Variants in CDH13 observed in about 807,000 individuals in gnomAD.
The protein encoded by CDH13 is cadherin-13.
CDH13 carries 24 observed loss-of-function variants against 63.8 expected under a neutral mutation model. The ratio of observed to expected loss-of-function variants is 0.38; its 90% CI spans 0.27 to 0.53. The LOEUF (loss-of-function observed/expected upper bound fraction) is 0.53, where lower values mean the gene tolerates loss of function less well. Ranked by LOEUF, CDH13 falls within the 20% of genes least tolerant of loss-of-function variation. The pLI is 0.85. For synonymous variants in CDH13, 503 were observed against 355.3 expected, an observed-to-expected ratio of 1.42 and a Z score of -4.67; for missense variants, 1,049 against 903.1, an observed-to-expected ratio of 1.16 and a Z score of -2.07.
At chr16:83,043,400 C>T (rs1917492774) in intron 3 of CDH13, among the ~76,000 whole-genome samples, 1 of 151,638 alleles carries the variant, frequency 6.6e-6, no homozygotes, top group African/African-American at 2.4e-5. Context: ...ATGAAAGCCA[C>T]GTATGTCATT....
chr16:83,279,120 A>C (rs1349214978), intron 5 of CDH13, among the ~76,000 whole-genome samples: 1 of 151,758 alleles, frequency 6.6e-6, no homozygotes, highest in African/African-American at 2.4e-5. Context: ...GTGAATTTGA[A>C]TTGAATATTT....
intron 13 of CDH13, among the ~76,000 whole-genome samples, chr16:83,786,374 C>T (rs1915880014): frequency 6.6e-6 from 1 of 151,862 alleles, no homozygotes; most frequent in Non-Finnish European, 1.5e-5. Context: ...CATTTTCAAA[C>T]TACGAATTCC....
intron 5 of CDH13, among the ~76,000 whole-genome samples, chr16:83,273,463 T>C (rs1169093768): frequency 6.6e-6 from 1 of 152,098 alleles, no homozygotes; most frequent in Non-Finnish European, 1.5e-5. Flanking sequence ...TTTGCTTTTT[T>C]CTTCCTGCAA....
chr16:83,349,545 T>C (rs1435872496), intron 6 of CDH13, among the ~76,000 whole-genome samples: 1 of 151,594 alleles, frequency 6.6e-6, no homozygotes, highest in Non-Finnish European at 1.5e-5. Flanking sequence ...CCAGGTAAGG[T>C]GAGGTACAGA....
chr16:82,699,246 G>A (rs547096026), intron 1 of CDH13, among the ~76,000 whole-genome samples: 1 of 152,222 alleles, frequency 6.6e-6, no homozygotes, highest in East Asian at 1.9e-4. Context: ...GGCCAGGGAG[G>A]GTCACTGATG....
At chr16:83,502,333 G>A (rs1415436475) in intron 7 of CDH13, among the ~76,000 whole-genome samples, 9 of 152,112 alleles carry the variant, frequency 5.9e-5, no homozygotes, top group Non-Finnish European at 8.8e-5. Flanking sequence ...TTTGAAGATG[G>A]AGCAAGGGCC....
intron 6 of CDH13, among the ~76,000 whole-genome samples, chr16:83,384,792 T>G (rs1003131458): frequency 3.9e-5 from 6 of 152,266 alleles, no homozygotes; most frequent in Admixed American, 3.9e-4. Context: ...GCTTGGCTTT[T>G]GGATTCTTTA....
At chr16:82,669,578 T>G (rs1395139871) in intron 1 of CDH13, among the ~76,000 whole-genome samples, 1 of 152,228 alleles carries the variant, frequency 6.6e-6, no homozygotes, top group African/African-American at 2.4e-5. Context: ...TGTTTCTCAT[T>G]AAAAGCATTA....
intron 6 of CDH13, among the ~76,000 whole-genome samples, chr16:83,383,786 G>T (rs939647203): frequency 6.6e-6 from 1 of 152,110 alleles, no homozygotes; most frequent in Non-Finnish European, 1.5e-5. Flanking sequence ...GTACCTTCCT[G>T]CCCAACCCTG....
At chr16:83,061,968 G>A (rs1597251172) in intron 3 of CDH13, among the ~76,000 whole-genome samples, 2 of 152,300 alleles carry the variant, frequency 1.3e-5, no homozygotes, top group Non-Finnish European at 2.9e-5. Context: ...GCTCGAAACT[G>A]AGATAGTGAG....
At chr16:82,980,043 G>A (rs1597348200) in intron 2 of CDH13, among the ~76,000 whole-genome samples, 1 of 152,142 alleles carries the variant, frequency 6.6e-6, no homozygotes, top group Non-Finnish European at 1.5e-5. Context: ...GAAGTACAGG[G>A]AAACCACAAG....
chr16:83,378,633 T>C (rs1181017289), intron 6 of CDH13, among the ~76,000 whole-genome samples: 1 of 152,112 alleles, frequency 6.6e-6, no homozygotes, highest in Non-Finnish European at 1.5e-5. Flanking sequence ...CTGGACTGGA[T>C]CTCTGTTTCT....
intron 1 of CDH13, among the ~76,000 whole-genome samples, chr16:82,698,532 G>A (rs11861319): frequency 0.012 from 1,848 of 152,298 alleles, 35 homozygotes; most frequent in African/African-American, 0.041. Context: ...TATTTGAGGT[G>A]GGCTTTGCTC....
At chr16:83,356,090 T>C (rs1246425219) in intron 6 of CDH13, among the ~76,000 whole-genome samples, 7 of 152,144 alleles carry the variant, frequency 4.6e-5, no homozygotes, top group African/African-American at 1.7e-4. Flanking sequence ...TTCATCCCCA[T>C]CCACAACACC....
intron 7 of CDH13, among the ~76,000 whole-genome samples, chr16:83,518,367 G>C (rs760925253): frequency 1.3e-5 from 2 of 151,654 alleles, no homozygotes; most frequent in Non-Finnish European, 2.9e-5. Flanking sequence ...GGATGGTCTC[G>C]ATCTCCTGAC....
chr16:83,052,952 T>C (rs539063473), intron 3 of CDH13, among the ~76,000 whole-genome samples: 12 of 152,258 alleles, frequency 7.9e-5, no homozygotes, highest in Non-Finnish European at 1.2e-4. Flanking sequence ...GGTGATTCTT[T>C]CCACGATAGA....
intron 1 of CDH13, among the ~76,000 whole-genome samples, chr16:82,841,745 T>C (rs1190656708): frequency 2.0e-5 from 3 of 152,166 alleles, no homozygotes; most frequent in Admixed American, 6.5e-5. Context: ...TGATGGTTTA[T>C]GTTCATGAAG....
At chr16:82,927,240 A>G (rs1170560144) in intron 2 of CDH13, among the ~76,000 whole-genome samples, 2 of 152,136 alleles carry the variant, frequency 1.3e-5, no homozygotes, top group Non-Finnish European at 2.9e-5. Context: ...ACCATATTTT[A>G]TAGCAGTTGG....
At chr16:83,771,508 C>G (rs983068041) in intron 11 of CDH13, among the ~76,000 whole-genome samples, 22 of 152,168 alleles carry the variant, frequency 1.4e-4, no homozygotes, top group Admixed American at 1.4e-3. Context: ...CCAGGAAGAC[C>G]GTGGCAGGGT....
Sources: allele counts gnomAD v4.1 joint callset (sites outside exome capture counted in the v4.1 genomes callset), GRCh38; gene constraint gnomAD v4.1.1; transcripts MANE v1.5; gene names NCBI Gene and HGNC (gene_info 2026-07-23, HGNC 2026-07-21).